The following KCNJ6 variants were observed in gnomAD, a reference collection of about 807,000 sequenced individuals.
KCNJ6 encodes the protein potassium inwardly rectifying channel subfamily J member 6.
Under a neutral mutation model 34.2 loss-of-function variants are expected in KCNJ6, and 9 were observed. That is an observed-to-expected ratio of 0.26 (90% confidence interval 0.16 to 0.46). The LOEUF is 0.46. Among genes scored for constraint, KCNJ6 ranks in the 20% least tolerant of loss-of-function variants. KCNJ6 has a pLI of 1.00. For missense variants in KCNJ6, 236 were observed against 531.3 expected (o/e 0.44, Z 5.46); for synonymous variants, 196 against 207.1 (o/e 0.95, Z 0.46).
intron 2 of KCNJ6, among the ~76,000 whole-genome samples, chr21:37,831,058 C>T (rs200230036): frequency 1.7e-4 from 26 of 152,252 alleles, no homozygotes; most frequent in African/African-American, 4.6e-4. Flanking sequence ...GGCGGGAAGC[C>T]CCCCTTGCAT....
At chr21:37,779,710 T>C (rs902425221) in intron 2 of KCNJ6, among the ~76,000 whole-genome samples, 1 of 152,204 alleles carries the variant, frequency 6.6e-6, no homozygotes, top group Non-Finnish European at 1.5e-5. Flanking sequence ...AATGTCTCTC[T>C]AAAAGCACAT....
intron 2 of KCNJ6, among the ~76,000 whole-genome samples, chr21:37,728,596 A>G (rs2835915): frequency 0.15 from 23,237 of 152,084 alleles, 2,452 homozygotes; most frequent in African/African-American, 0.31. Context: ...CCAGACTGAA[A>G]AATGGTGGGA....
rs183001740 is a variant in KCNJ6 at position 37,716,903 on chromosome 21, T to C, written c.26-1772A>G. Among the ~76,000 whole-genome samples, 13 of 152,068 alleles carry C rather than the reference T, an allele frequency of 8.5e-5. No homozygotes were observed. The East Asian group carries it at 2.5e-3, about 29-fold the overall frequency. On this transcript the variant is annotated intron_variant, in intron 2 of 3. Transcript: ENST00000609713. The stretch of plus-strand genomic sequence containing the variant: ...TTTCTTCCTCCAGACTTAAATTCTG[T>C]GTCGTTTGACTCTGCCATGTGTTTC...
chr21:37,617,716 A>AT lies in KCNJ6; in HGVS notation c.*7442dup, dbSNP rs2054277688. 6.6e-6 allele frequency: 1 copy of AT among 152,238 alleles called. No homozygotes were observed. Among genetic ancestry groups the AT allele is most frequent in the Non-Finnish European group, 1.5e-5 (1 of 68,040 alleles). The allele number at this position is 152,238 out of a possible 1,614,324, so 9.4% of individuals were successfully genotyped here. A position where few individuals can be genotyped will look rare whatever the true frequency, so the allele number is the denominator to read the frequency against. Reference sequence around the variant, plus strand: ...GACTTCCTAGAGAAAAGAGAATTAGATATGTCATGAAAAAGAAAAGCACTG... The same window carrying AT: ...GACTTCCTAGAGAAAAGAGAATTAGATTATGTCATGAAAAAGAAAAGCACTG... On this transcript the variant is annotated 3_prime_UTR_variant, in exon 4 of 4. Transcript: ENST00000609713.
At chr21:37,727,399 T>C (rs1032275947) in intron 2 of KCNJ6, among the ~76,000 whole-genome samples, 4 of 151,784 alleles carry the variant, frequency 2.6e-5, no homozygotes, top group Non-Finnish European at 4.4e-5. Flanking sequence ...ACGGTGAGTG[T>C]AGATGAAGTA....
At chr21:37,821,536 C>T (rs2055373106) in intron 2 of KCNJ6, among the ~76,000 whole-genome samples, 1 of 152,150 alleles carries the variant, frequency 6.6e-6, no homozygotes, top group Non-Finnish European at 1.5e-5. Flanking sequence ...TCCTGATGCT[C>T]TCCTTTCCCC....
intron 3 of KCNJ6, among the ~76,000 whole-genome samples, chr21:37,706,719 T>A (rs1021326592): frequency 1.3e-5 from 2 of 152,252 alleles, no homozygotes; most frequent in Non-Finnish European, 2.9e-5. Context: ...TACATAGAAA[T>A]TCACATTTAC....
chr21:37,807,306 A>G (rs1346671322), intron 2 of KCNJ6, among the ~76,000 whole-genome samples: 1 of 152,212 alleles, frequency 6.6e-6, no homozygotes, highest in Non-Finnish European at 1.5e-5. Context: ...AGAAATATGA[A>G]CAGAAAAGTA....
chr21:37,880,612 T>A (rs1276413403), intron 1 of KCNJ6, among the ~76,000 whole-genome samples: 1 of 152,208 alleles, frequency 6.6e-6, no homozygotes, highest in Non-Finnish European at 1.5e-5. Context: ...CAAGGGTTAA[T>A]CAGACGGCTT....
intron 1 of KCNJ6, among the ~76,000 whole-genome samples, chr21:37,896,908 A>T (rs978504417): frequency 6.6e-6 from 1 of 152,206 alleles, no homozygotes; most frequent in Non-Finnish European, 1.5e-5. Context: ...CTGAGCTTCA[A>T]AAAGGAAAAG....
At chr21:37,636,985 C>T (rs111923419) in intron 3 of KCNJ6, among the ~76,000 whole-genome samples, 1,988 of 152,298 alleles carry the variant, frequency 0.013, 47 homozygotes, top group African/African-American at 0.045. Flanking sequence ...AAAAACAGAA[C>T]TGATTGTAGA....
At chr21:37,906,492 G>T (rs532892930) in intron 1 of KCNJ6, among the ~76,000 whole-genome samples, 1 of 152,344 alleles carries the variant, frequency 6.6e-6, no homozygotes, top group African/African-American at 2.4e-5. Flanking sequence ...AATCCCTGGA[G>T]GGGATGGGCA....
At chr21:37,696,147 C>T (rs770652221) in intron 3 of KCNJ6, among the ~76,000 whole-genome samples, 8 of 152,142 alleles carry the variant, frequency 5.3e-5, no homozygotes, top group Non-Finnish European at 7.4e-5. Flanking sequence ...AGGTAACCAT[C>T]GTAGAAATAA....
chr21:37,898,674 G>A (rs1290731747), intron 1 of KCNJ6, among the ~76,000 whole-genome samples: 1 of 152,200 alleles, frequency 6.6e-6, no homozygotes, highest in Non-Finnish European at 1.5e-5. Context: ...GTAGGTGGTG[G>A]GTGGAGTTGC....
At chr21:37,763,243 A>AG (rs917048105) in intron 2 of KCNJ6, among the ~76,000 whole-genome samples, 9 of 152,040 alleles carry the variant, frequency 5.9e-5, no homozygotes, top group Admixed American at 2.6e-4. Flanking sequence ...GCCTGCTTGT[A>AG]GGGGGGGCCT....
chr21:37,679,485 C>T (rs1351571992), intron 3 of KCNJ6, among the ~76,000 whole-genome samples: 1 of 152,156 alleles, frequency 6.6e-6, no homozygotes, highest in Non-Finnish European at 1.5e-5. Context: ...ACGTGTGAAA[C>T]ACTTAGAACA....
intron 2 of KCNJ6, among the ~76,000 whole-genome samples, chr21:37,839,103 TC>T (rs1413780964): frequency 1.3e-5 from 2 of 152,326 alleles, no homozygotes; most frequent in East Asian, 3.9e-4. Context: ...AAACCTCTTT[TC>T]TTTATCAATT....
intron 2 of KCNJ6, among the ~76,000 whole-genome samples, chr21:37,783,482 CT>C (rs1476381000): frequency 6.6e-6 from 1 of 152,114 alleles, no homozygotes; most frequent in Non-Finnish European, 1.5e-5. Context: ...TAAGAAGTGC[CT>C]TTTGCCTCCC....
chr21:37,723,487 T>TTTACTATTTAC (rs2054837372), intron 2 of KCNJ6, among the ~76,000 whole-genome samples: 1 of 152,232 alleles, frequency 6.6e-6, no homozygotes, highest in Admixed American at 6.5e-5. Context: ...CATCGCAGCA[T>TTTACTATTTAC]TATTCACAAA....
Sources: allele counts gnomAD v4.1 joint callset (sites outside exome capture counted in the v4.1 genomes callset), GRCh38; gene constraint gnomAD v4.1.1; transcripts MANE v1.5; gene names NCBI Gene and HGNC (gene_info 2026-07-23, HGNC 2026-07-21).